ERLEC1: variants seen among roughly 807,000 people sequenced by gnomAD.
The protein encoded by ERLEC1 is ER lectin.
A neutral mutation model predicts 68.0 loss-of-function variants in ERLEC1; 47 were observed. The ratio of observed to expected loss-of-function variants is 0.69; its 90% CI spans 0.55 to 0.88. The LOEUF is 0.88. Among genes scored for constraint, ERLEC1 ranks in the 40% least tolerant of loss-of-function variants. ERLEC1 has a pLI of 0.00. For synonymous variants in ERLEC1, 225 were observed against 203.2 expected, an observed-to-expected ratio of 1.11 and a Z score of -0.91; for missense variants, 567 against 583.8, an observed-to-expected ratio of 0.97 and a Z score of 0.30.
intron 13 of ERLEC1, among the ~76,000 whole-genome samples, chr2:53,816,049 C>G (rs553167592): frequency 6.6e-6 from 1 of 152,048 alleles, no homozygotes; most frequent in East Asian, 1.9e-4. Context: ...ATGCTGGTCT[C>G]AAACTCCTGG....
At chr2:53,799,359 A>G (rs1675887457) in intron 6 of ERLEC1, among the ~76,000 whole-genome samples, 1 of 152,200 alleles carries the variant, frequency 6.6e-6, no homozygotes, top group Non-Finnish European at 1.5e-5. Flanking sequence ...TTACGTGCTT[A>G]GCAGTGGTTC....
intron 6 of ERLEC1, among the ~76,000 whole-genome samples, chr2:53,800,932 T>G (rs1376328499): frequency 6.6e-6 from 1 of 152,152 alleles, no homozygotes. Context: ...AATAGTGTGT[T>G]TTACTATACA....
At chr2:53,799,503 T>C (rs1469661553) in intron 6 of ERLEC1, among the ~76,000 whole-genome samples, 1 of 152,170 alleles carries the variant, frequency 6.6e-6, no homozygotes, top group Non-Finnish European at 1.5e-5. Flanking sequence ...TTTATCTCTT[T>C]ACCCCACAGT....
intron 11 of ERLEC1, 36 bp downstream of exon 11, chr2:53,813,109 AC>A (rs1676680876): frequency 4.4e-6 from 7 of 1,584,608 alleles, no homozygotes; most frequent in Non-Finnish European, 6.0e-6. Flanking sequence ...GGAGCTAATT[AC>A]TACAATTTCT....
chr2:53,814,671 C>T, intron 12 of ERLEC1, 51 bp downstream of exon 12: 1 of 1,342,090 alleles, frequency 7.5e-7, no homozygotes, highest in Non-Finnish European at 1.1e-6. Flanking sequence ...TTAACTGCTT[C>T]CTATGGACAA....
intron 13 of ERLEC1, 50 bp downstream of exon 13, chr2:53,814,985 A>ATTTTTTTTTATTTTTTTTTTTT: frequency 1.0e-6 from 1 of 967,256 alleles, no homozygotes; most frequent in Non-Finnish European, 1.5e-6. Flanking sequence ...CCATGTTTTA[A>ATTTTTTTTTATTTTTTTTTTTT]TTTTTTTTTC....
At chr2:53,796,479 A>G (rs1675708565) in intron 3 of ERLEC1, among the ~76,000 whole-genome samples, 1 of 151,258 alleles carries the variant, frequency 6.6e-6, no homozygotes, top group South Asian at 2.1e-4. Context: ...TTTCTTTTTG[A>G]GAAAAGGTCT....
intron 8 of ERLEC1, among the ~76,000 whole-genome samples, chr2:53,806,187 A>AG (rs1335494397): frequency 6.6e-6 from 1 of 152,228 alleles, no homozygotes; most frequent in African/African-American, 2.4e-5. Context: ...ATGTTAATTT[A>AG]GAGATTACTG....
intron 1 of ERLEC1, among the ~76,000 whole-genome samples, chr2:53,792,427 A>C (rs998651398): frequency 3.3e-5 from 5 of 152,190 alleles, no homozygotes; most frequent in Admixed American, 2.6e-4. Context: ...AAGCTCACAG[A>C]ATATGGAGCC....
intron 13 of ERLEC1, among the ~76,000 whole-genome samples, chr2:53,817,615 T>G (rs1401801811): frequency 6.6e-6 from 1 of 152,234 alleles, no homozygotes; most frequent in Non-Finnish European, 1.5e-5. Context: ...TGTTCTATCA[T>G]TTTTGTTGTA....
At chr2:53,789,671 G>A (rs542620103) in intron 1 of ERLEC1, among the ~76,000 whole-genome samples, 1 of 152,158 alleles carries the variant, frequency 6.6e-6, no homozygotes, top group South Asian at 2.1e-4. Flanking sequence ...ATTATCATTG[G>A]TCTTTTGATT....
intron 2 of ERLEC1, among the ~76,000 whole-genome samples, chr2:53,795,201 A>G (rs1301417213): frequency 6.6e-6 from 1 of 152,194 alleles, no homozygotes; most frequent in Non-Finnish European, 1.5e-5. Context: ...TTTCAAGATG[A>G]AACAGGAGAG....
chr2:53,798,995 T>A, intron 5 of ERLEC1, 52 bp from the exon 6 acceptor site: 1 of 1,550,996 alleles, frequency 6.4e-7, no homozygotes. Flanking sequence ...CTTACTCATT[T>A]GTACCACATA....
At chr2:53,789,842 A>T (rs1675289274) in intron 1 of ERLEC1, among the ~76,000 whole-genome samples, 2 of 151,900 alleles carry the variant, frequency 1.3e-5, no homozygotes, top group African/African-American at 4.8e-5. Flanking sequence ...AACATGGCGA[A>T]ACCTTGTCTC....
chr2:53,800,379 C>T (rs1284184844), intron 6 of ERLEC1, among the ~76,000 whole-genome samples: 2 of 152,006 alleles, frequency 1.3e-5, no homozygotes, highest in Admixed American at 6.6e-5. Flanking sequence ...TTATGCAGTG[C>T]ATGACTGTAT....
chr2:53,794,399 C>T lies in ERLEC1; in HGVS notation c.217C>T (p.His73Tyr). 2 of 1,590,534 alleles carry T rather than the reference C, an allele frequency of 1.3e-6. No individual in the cohort carries two copies. The highest frequency in any genetic ancestry group is 1.7e-6 in the Non-Finnish European group (2 of 1,167,398). ...EDNYVIMTTA[H>Y]KEKYKCILPL... ...TAATTATGTCATCATGACAACTGCA[C>T]ATAAAGAAAAATATAAATGCATACT... Residue 73 changes from histidine to tyrosine, a missense_variant, in exon 2 of 14, where the codon CAT becomes TAT. Physicochemically the swap from His to Tyr is moderately conservative, Grantham distance 83. Coordinates refer to ENST00000185150, the MANE Select transcript of ERLEC1 (RefSeq NM_015701.5).
chr2:53,799,149 C>A, intron 6 of ERLEC1, 68 bp downstream of exon 6: 1 of 1,308,170 alleles, frequency 7.6e-7, no homozygotes, highest in Non-Finnish European at 1.1e-6. Context: ...TTTATATAAC[C>A]CAAGTGACAG....
chr2:53,801,046 G>C (rs1235223394), intron 6 of ERLEC1, among the ~76,000 whole-genome samples: 1 of 151,900 alleles, frequency 6.6e-6, no homozygotes, highest in Non-Finnish European at 1.5e-5. Flanking sequence ...GCCCAGTATA[G>C]TAAGTTTCTA....
At chr2:53,802,054 CATA>C (rs557815847) in intron 8 of ERLEC1, among the ~76,000 whole-genome samples, 66 of 152,142 alleles carry the variant, frequency 4.3e-4, no homozygotes, top group Non-Finnish European at 8.5e-4. Context: ...TTCATAATTT[CATA>C]ATATTTTAAA....
Sources: allele counts gnomAD v4.1 joint callset (sites outside exome capture counted in the v4.1 genomes callset), GRCh38; gene constraint gnomAD v4.1.1; transcripts MANE v1.5; gene names NCBI Gene and HGNC (gene_info 2026-07-23, HGNC 2026-07-21).